NRXN3: variants seen among roughly 807,000 people sequenced by gnomAD.
NRXN3 encodes the protein neurexin 3.
Under a neutral mutation model 137.6 loss-of-function variants are expected in NRXN3, and 32 were observed. That is an observed-to-expected ratio of 0.23 (90% CI 0.18 to 0.31). NRXN3 has a LOEUF of 0.31. Among genes scored for constraint, NRXN3 ranks in the 10% least tolerant of loss-of-function variants. The pLI is 1.00. For synonymous variants in NRXN3, 798 were observed against 784.5 expected, an observed-to-expected ratio of 1.02 and a Z score of -0.29; for missense variants, 1,574 against 2,062.5, an observed-to-expected ratio of 0.76 and a Z score of 4.59.
chr14:79,842,362 T>C (rs1255939184), intron 20 of NRXN3, among the ~76,000 whole-genome samples: 1 of 152,126 alleles, frequency 6.6e-6, no homozygotes, highest in East Asian at 1.9e-4. Flanking sequence ...AGCAGAGACC[T>C]AAATAACGAG....
chr14:78,840,153 G>A (rs2099008128), intron 10 of NRXN3, among the ~76,000 whole-genome samples: 1 of 152,178 alleles, frequency 6.6e-6, no homozygotes, highest in Middle Eastern at 3.2e-3. Flanking sequence ...TGAGAATTAA[G>A]TAGGAATGGA....
chr14:78,478,540 A>G (rs73316497), intron 4 of NRXN3, among the ~76,000 whole-genome samples: 6,739 of 152,066 alleles, frequency 0.044, 196 homozygotes, highest in African/African-American at 0.07. Flanking sequence ...GGTTTTTAAA[A>G]AAGAAGTCAG....
chr14:78,553,217 A>T (rs2096708972), intron 4 of NRXN3, among the ~76,000 whole-genome samples: 1 of 152,150 alleles, frequency 6.6e-6, no homozygotes, highest in South Asian at 2.1e-4. Flanking sequence ...TGTTTCTTAG[A>T]TCCCAAATAA....
chr14:78,655,971 G>A (rs1169750571), intron 6 of NRXN3, among the ~76,000 whole-genome samples: 1 of 151,972 alleles, frequency 6.6e-6, no homozygotes, highest in East Asian at 1.9e-4. Context: ...CTTTTATAAG[G>A]GCACCAATCC....
At chr14:79,216,818 A>C (rs1414303924) in intron 15 of NRXN3, among the ~76,000 whole-genome samples, 1 of 152,146 alleles carries the variant, frequency 6.6e-6, no homozygotes, top group Non-Finnish European at 1.5e-5. Flanking sequence ...ATAAAGGAAC[A>C]CCTGAGGCTC....
intron 1 of NRXN3, among the ~76,000 whole-genome samples, chr14:78,213,651 T>C (rs1301870954): frequency 1.3e-5 from 2 of 152,088 alleles, no homozygotes; most frequent in Non-Finnish European, 2.9e-5. Flanking sequence ...GTGGCCGCAA[T>C]GTGAATGCAG....
intron 8 of NRXN3, among the ~76,000 whole-genome samples, chr14:78,735,218 AAAC>A (rs1277590457): frequency 1.3e-5 from 2 of 152,236 alleles, no homozygotes; most frequent in Non-Finnish European, 2.9e-5. Context: ...TTTTTATTCA[AAAC>A]AATTCTTGTA....
intron 15 of NRXN3, chr14:79,072,440 T>C (rs936386239): frequency 1.3e-5 from 2 of 152,184 alleles, no homozygotes; most frequent in East Asian, 3.9e-4. Context: ...CTTGTTGTTG[T>C]TGTTTAAACC....
At chr14:79,115,722 A>G (rs1031390261) in intron 15 of NRXN3, among the ~76,000 whole-genome samples, 1 of 152,194 alleles carries the variant, frequency 6.6e-6, no homozygotes, top group African/African-American at 2.4e-5. Flanking sequence ...ATGCTTCGAG[A>G]AAGAAAGCAT....
chr14:78,462,164 GTCT>G (rs1412680875), intron 4 of NRXN3, among the ~76,000 whole-genome samples: 1 of 152,194 alleles, frequency 6.6e-6, no homozygotes, highest in Non-Finnish European at 1.5e-5. Context: ...CGGCTTCCTG[GTCT>G]TCTGCTGAGC....
chr14:78,670,850 G>C (rs963366771), intron 6 of NRXN3, among the ~76,000 whole-genome samples: 1 of 152,206 alleles, frequency 6.6e-6, no homozygotes, highest in South Asian at 2.1e-4. Flanking sequence ...TTGAATGTAG[G>C]TATGCTGGAG....
chr14:78,420,365 A>G (rs1210318330), intron 4 of NRXN3, among the ~76,000 whole-genome samples: 2 of 152,214 alleles, frequency 1.3e-5, no homozygotes, highest in African/African-American at 4.8e-5. Flanking sequence ...GCCCTTACAT[A>G]TGAGTGGTAG....
intron 10 of NRXN3, among the ~76,000 whole-genome samples, chr14:78,817,241 T>C (rs1567402221): frequency 1.3e-5 from 2 of 152,172 alleles, no homozygotes; most frequent in Non-Finnish European, 2.9e-5. Context: ...TTGCTTCAAC[T>C]CTTAGTTTCC....
intron 1 of NRXN3, among the ~76,000 whole-genome samples, chr14:78,170,952 C>CTTT (rs545853025): frequency 1.8e-4 from 23 of 126,160 alleles, no homozygotes; most frequent in Non-Finnish European, 2.8e-4. Flanking sequence ...TCTTCTTCTT[C>CTTT]TTTTTTTTTT....
chr14:78,684,411 G>A (rs1345274010), intron 6 of NRXN3, among the ~76,000 whole-genome samples: 1 of 152,208 alleles, frequency 6.6e-6, no homozygotes, highest in Non-Finnish European at 1.5e-5. Context: ...CCAGGATTTA[G>A]CATTGTTGAT....
intron 19 of NRXN3, among the ~76,000 whole-genome samples, chr14:79,720,544 T>C (rs927307481): frequency 6.6e-6 from 1 of 152,136 alleles, no homozygotes; most frequent in Non-Finnish European, 1.5e-5. Flanking sequence ...GTTGGCTTCC[T>C]ATTAAACCTT....
At chr14:79,468,378 A>G (rs2096457357) in intron 16 of NRXN3, among the ~76,000 whole-genome samples, 1 of 152,224 alleles carries the variant, frequency 6.6e-6, no homozygotes, top group Non-Finnish European at 1.5e-5. Flanking sequence ...AAGAGCAAAG[A>G]GAGGAATTGT....
At chr14:78,526,547 G>A (rs1017231244) in intron 4 of NRXN3, among the ~76,000 whole-genome samples, 22 of 151,970 alleles carry the variant, frequency 1.4e-4, no homozygotes, top group African/African-American at 4.6e-4. Context: ...AATGTTTCAT[G>A]TACTTTCTTT....
chr14:78,180,997 G>A (rs533824190), intron 1 of NRXN3, among the ~76,000 whole-genome samples: 2 of 152,330 alleles, frequency 1.3e-5, no homozygotes, highest in South Asian at 2.1e-4. Flanking sequence ...TGTCCTCGGT[G>A]TATTTTAAAG....
Sources: allele counts gnomAD v4.1 joint callset (sites outside exome capture counted in the v4.1 genomes callset), GRCh38; gene constraint gnomAD v4.1.1; transcripts MANE v1.5; gene names NCBI Gene and HGNC (gene_info 2026-07-23, HGNC 2026-07-21).